Variants in USP20 observed in about 807,000 individuals in gnomAD.
The protein encoded by USP20 is ubiquitin specific peptidase 20.
Under a neutral mutation model 124.2 loss-of-function variants are expected in USP20, and 80 were observed. That is an observed-to-expected ratio of 0.64 (90% CI 0.54 to 0.78). The LOEUF is 0.78. USP20 is among the 30% of genes least tolerant of loss of function. The pLI is 0.00. For missense variants in USP20, 1,043 were observed against 1,244.4 expected, an observed-to-expected ratio of 0.84 and a Z score of 2.44; for synonymous variants, 481 against 512.3, an observed-to-expected ratio of 0.94 and a Z score of 0.83.
Position 129,863,788 on chromosome 9 carries a change from A to G in USP20, c.611+489A>G, listed in dbSNP as rs573882071. On this transcript the variant is annotated intron_variant, in intron 9 of 25. Transcript: ENST00000372429. ...TAATTTTAAATGAGCACATAGAAAT[A>G]TGTATTATGTGTAGAAGCGGATGAA... Among the ~76,000 whole-genome samples the G allele has an allele frequency of 3.3e-5, 5 of 152,364 alleles. No individual in the cohort carries two copies. In the East Asian group the frequency reaches 9.6e-4, roughly 29 times the overall value.
In USP20 at chr9:129,880,206, C is replaced by A; in HGVS notation, c.2678C>A (p.Ala893Glu). The A allele has an allele frequency of 6.2e-7, 1 of 1,613,674 alleles. No individual in the cohort carries two copies. Among genetic ancestry groups the A allele is most frequent in the Non-Finnish European group, 8.5e-7 (1 of 1,179,956 alleles). ...GPEIAIRQSVAQPLGPENLHG... is the reference protein window; with the variant it reads ...GPEIAIRQSVEQPLGPENLHG... ...GAGATTGCCATCCGCCAGAGTGTGG[C>A]GCAGCCGCTGGGCCCAGAGAACCTG... Residue 893 changes from alanine (A) to glutamate (E), a missense_variant, in exon 25 of 26, where the codon GCG (alanine) becomes GAG (glutamate). Transcript: ENST00000372429.
intron 9 of USP20, among the ~76,000 whole-genome samples, chr9:129,864,501 T>C (rs2033725114): frequency 7.0e-6 from 1 of 142,150 alleles, no homozygotes; most frequent in Non-Finnish European, 1.5e-5. Flanking sequence ...AAAGTCTGTG[T>C]GCAGTGGCTC....
chr9:129,868,494 C>CA (rs2033942586), intron 11 of USP20, 45 bp downstream of exon 11: 1 of 1,568,554 alleles, frequency 6.4e-7, no homozygotes, highest in Non-Finnish European at 8.6e-7. Flanking sequence ...AGCCTATGGC[C>CA]CAGTACCTAC....
chr9:129,871,471 T>A (rs113391265), intron 15 of USP20, among the ~76,000 whole-genome samples: 47 of 152,338 alleles, frequency 3.1e-4, no homozygotes, highest in African/African-American at 9.9e-4. Context: ...TTGTGAGGAA[T>A]GCTGCTCTGA....
At position 129,879,968 on chromosome 9, in the gene USP20, G is replaced by C. The variant is rs2034570164; in HGVS notation, c.2585-145G>C. 8.9e-6 allele frequency: 9 copies of C among 1,011,216 alleles called. No individual in the cohort carries two copies. Among genetic ancestry groups the C allele is most frequent in the Non-Finnish European group, 1.3e-5 (9 of 702,644 alleles). 62.6% of individuals were successfully genotyped at this position (1,011,216 alleles called of 1,614,324 possible). On this transcript the variant is annotated intron_variant, in intron 24 of 25. Coordinates refer to ENST00000372429, the MANE Select transcript of USP20 (RefSeq NM_001110303.4). The surrounding 1 kb of genome is among the most constrained non-coding windows in gnomAD (Gnocchi z 4.2). The stretch of plus-strand genomic sequence containing the variant: ...GATGGACATTCCTCTGGGAAATCCT[G>C]ATTTCCATCTGACAGCTTTGCATAG...
intron 22 of USP20, 91 bp from the exon 23 acceptor site, chr9:129,878,247 G>C: frequency 9.9e-7 from 1 of 1,011,928 alleles, no homozygotes; most frequent in East Asian, 2.6e-5. Context: ...TTGGGTGAGG[G>C]ACTGGGGCGG....
At chr9:129,851,292 C>T (rs376907432) in intron 2 of USP20, among the ~76,000 whole-genome samples, 4 of 133,562 alleles carry the variant, frequency 3.0e-5, no homozygotes, top group Non-Finnish European at 3.1e-5. Context: ...TGAGGTCTTG[C>T]TCTGTCACCC....
intron 22 of USP20, among the ~76,000 whole-genome samples, chr9:129,877,479 T>C (rs2034455839): frequency 6.6e-6 from 1 of 151,878 alleles, no homozygotes; most frequent in South Asian, 2.1e-4. Flanking sequence ...GCCGTGATCA[T>C]GCCACTGCAC....
intron 22 of USP20, among the ~76,000 whole-genome samples, chr9:129,877,409 C>T (rs2034453230): frequency 6.6e-6 from 1 of 152,108 alleles, no homozygotes; most frequent in African/African-American, 2.4e-5. Flanking sequence ...GTCCCCGCTA[C>T]CTGGAGGGCT....
intron 2 of USP20, among the ~76,000 whole-genome samples, chr9:129,850,843 G>A (rs1389921243): frequency 1.3e-5 from 2 of 152,042 alleles, no homozygotes; most frequent in Non-Finnish European, 2.9e-5. Flanking sequence ...TAGTAGAGAC[G>A]GGATTTCTCC....
chr9:129,854,763 G>A (rs2033125191), intron 3 of USP20, among the ~76,000 whole-genome samples: 1 of 152,142 alleles, frequency 6.6e-6, no homozygotes, highest in African/African-American at 2.4e-5. Context: ...TGATCTCCTG[G>A]CACCCACAGC....
chr9:129,865,451 C>T, intron 10 of USP20, 70 bp downstream of exon 10: 1 of 1,540,830 alleles, frequency 6.5e-7, no homozygotes, highest in Non-Finnish European at 9.0e-7. Context: ...GACGCCAAAA[C>T]CAGAGTGGAA....
chr9:129,869,432 G>A lies in USP20; in HGVS notation c.1392+7G>A, dbSNP rs760281397. On this transcript the variant is annotated splice_region_variant and intron_variant, in intron 13 of 25. Transcript: ENST00000372429. ...GTGTCTCACCTGTGACCGGGTGGGTGCCCCAGGGATGGGGGGAGCTGGGCC... is the reference window on the plus strand; with the variant it reads ...GTGTCTCACCTGTGACCGGGTGGGTACCCCAGGGATGGGGGGAGCTGGGCC... 1 of 1,612,296 alleles carries A rather than the reference G, an allele frequency of 6.2e-7. No homozygotes were observed. The highest frequency in any genetic ancestry group is 1.7e-5 in the Admixed American group (1 of 60,026).
chr9:129,868,935 C>T lies in USP20; in HGVS notation c.1209C>T (p.Ala403=). 1 of 1,612,820 alleles carries T rather than the reference C, an allele frequency of 6.2e-7. No homozygotes were observed. Among genetic ancestry groups the T allele is most frequent in the South Asian group, 1.1e-5 (1 of 90,900 alleles). ...CSPVHHHEGH[A]KLSSSPPRAS... ...CCGTCCACCACCACGAGGGCCATGC[C>T]AAGCTGTCTAGCAGCCCCCCTCGTG... The change falls in exon 12 of 26, where the codon GCC becomes GCT. Residue 403 remains alanine (A), a synonymous_variant. Transcript: ENST00000372429.
At chr9:129,863,164 G>T (rs1396469392) in intron 8 of USP20, 22 bp from the exon 9 acceptor site, 14 of 1,500,780 alleles carry the variant, frequency 9.3e-6, no homozygotes, top group Non-Finnish European at 1.1e-5. Context: ...TCCTGACCTG[G>T]CTCTCTCTCC....
In USP20 at chr9:129,839,251, T is replaced by G. The variant is rs1017072340; in HGVS notation, c.-129+3752T>G. ...GTTAGTGATGGAGATGGATTTAGTT[T>G]GGAACCTTGCCACCTCCCAGGGTGG... On this transcript the variant is annotated intron_variant, in intron 1 of 25. Coordinates refer to ENST00000372429, the MANE Select transcript of USP20 (RefSeq NM_001110303.4). This position sits in a 1 kb window ranked among gnomAD's most constrained non-coding sequence, Gnocchi z 4.5. Among the ~76,000 whole-genome samples, 2 of 152,196 alleles carry G rather than the reference T, an allele frequency of 1.3e-5. No homozygotes were observed. Among genetic ancestry groups the G allele is most frequent in the African/African-American group, 4.8e-5 (2 of 41,430 alleles).
At chr9:129,862,428 C>G (rs1486762244) in intron 8 of USP20, among the ~76,000 whole-genome samples, 1 of 152,102 alleles carries the variant, frequency 6.6e-6, no homozygotes, top group Non-Finnish European at 1.5e-5. Flanking sequence ...TGGCACGCAC[C>G]TGTAGTCCCA....
chr9:129,846,701 A>G (rs1267909346), intron 1 of USP20, among the ~76,000 whole-genome samples: 2 of 145,672 alleles, frequency 1.4e-5, no homozygotes, highest in African/African-American at 2.6e-5. Flanking sequence ...TTCTTGGCTC[A>G]TTGCAACCTC....
At chr9:129,851,235 C>T (rs1182819809) in intron 2 of USP20, among the ~76,000 whole-genome samples, 1 of 151,446 alleles carries the variant, frequency 6.6e-6, no homozygotes, top group Non-Finnish European at 1.5e-5. Context: ...CCCAGTTTCC[C>T]CTAATGGTAA....
Sources: gnomAD v4.1 joint callset for allele counts (sites outside exome capture counted in the v4.1 genomes callset) on GRCh38, gnomAD v4.1.1 for gene constraint, Gnocchi (gnomAD v3.1) non-coding constraint, MANE v1.5 for transcripts, NCBI Gene and HGNC (gene_info 2026-07-23, HGNC 2026-07-21) for gene names.